TTC34: variants seen among roughly 807,000 people sequenced by gnomAD.
The protein encoded by TTC34 is tetratricopeptide repeat domain 34.
In TTC34, 44 loss-of-function variants were observed where a neutral mutation model predicts 40.7. That is an observed-to-expected ratio of 1.08 (90% CI 0.85 to 1.39). The LOEUF is 1.39. TTC34 is among the 40% of genes most tolerant of loss of function. The pLI is 0.00. For synonymous variants in TTC34, 422 were observed against 398.6 expected, an observed-to-expected ratio of 1.06 and a Z score of -0.70; for missense variants, 884 against 838.0, an observed-to-expected ratio of 1.05 and a Z score of -0.68.
chr1:2,752,223 T>G (rs1641343690), intron 6 of TTC34, among the ~76,000 whole-genome samples: 2 of 114,986 alleles, frequency 1.7e-5, no homozygotes, highest in South Asian at 6.2e-4. Context: ...CAGGTGAGCA[T>G]CTGACAGACT....
At chr1:2,638,181 G>A (rs1638827599) in exon 9 of TTC34, 1 of 152,120 alleles carries the variant, frequency 6.6e-6, no homozygotes, top group Non-Finnish European at 1.5e-5. Context: ...TCCCAGGGAG[G>A]GGAAGGGTCA....
At chr1:2,768,736 C>A (rs1641887746) in intron 6 of TTC34, among the ~76,000 whole-genome samples, 3 of 143,172 alleles carry the variant, frequency 2.1e-5, no homozygotes, top group African/African-American at 7.9e-5. Context: ...GAAAAACAAC[C>A]CCCTTCAGGT....
intron 6 of TTC34, among the ~76,000 whole-genome samples, chr1:2,756,725 C>T (rs1441302630): frequency 1.0e-4 from 3 of 29,688 alleles, no homozygotes; most frequent in African/African-American, 5.1e-4. Flanking sequence ...GAGCATCTGA[C>T]AGGCTGGAGC....
chr1:2,751,075 C>A (rs1208969635), intron 6 of TTC34, among the ~76,000 whole-genome samples: 1 of 77,606 alleles, frequency 1.3e-5, no homozygotes, highest in Non-Finnish European at 2.4e-5. Flanking sequence ...CAGACTGGAA[C>A]ACCTCCCACA....
chr1:2,785,011 G>GCTCTGGGCCA (rs1376305932), intron 5 of TTC34, among the ~76,000 whole-genome samples: 58 of 152,316 alleles, frequency 3.8e-4, no homozygotes, highest in African/African-American at 1.1e-3. Flanking sequence ...GCTCTGGGCC[G>GCTCTGGGCCA]CTCTGGGCTG....
chr1:2,643,663 G>A (rs1638959678), intron 8 of TTC34, among the ~76,000 whole-genome samples: 1 of 152,090 alleles, frequency 6.6e-6, no homozygotes, highest in Non-Finnish European at 1.5e-5. Flanking sequence ...GGGGGGGGCA[G>A]CGGCGCCCCC....
chr1:2,751,157 A>T (rs1279892122), intron 6 of TTC34, among the ~76,000 whole-genome samples: 4 of 109,806 alleles, frequency 3.6e-5, no homozygotes, highest in Admixed American at 1.9e-4. Context: ...ACCCTGGAGC[A>T]GCACGCACAT....
rs1274016828 is a variant in TTC34 at position 2,682,013 on chromosome 1, A to G, written c.2227-36450T>C. On this transcript the variant is annotated intron_variant, in intron 6 of 8. Transcript: ENST00000401095. ...CCAGGTGAGCATCAGACAGCCTGGA[A>G]CAACACCCATACCCACAGGTGAGCA... Among the ~76,000 whole-genome samples, 67 of 100,318 alleles carry G rather than the reference A, an allele frequency of 6.7e-4. 5 individuals carry two copies. The highest frequency in any genetic ancestry group is 5.8e-4 in the Non-Finnish European group (28 of 47,898). The allele number at this position is 100,318 out of a possible 152,430, so 65.8% of individuals were successfully genotyped here. A position where few individuals can be genotyped will look rare whatever the true frequency, so the allele number is the denominator to read the frequency against.
At chr1:2,648,657 G>A (rs891288427) in intron 6 of TTC34, among the ~76,000 whole-genome samples, 4 of 149,446 alleles carry the variant, frequency 2.7e-5, no homozygotes, top group African/African-American at 9.9e-5. Flanking sequence ...GCCTGGAACA[G>A]CACCCCACAC....
chr1:2,683,900 G>A (rs1198927942), intron 6 of TTC34, among the ~76,000 whole-genome samples: 18 of 48,998 alleles, frequency 3.7e-4, no homozygotes, highest in East Asian at 1.4e-3. Flanking sequence ...GACAGCCTGG[G>A]TCGGCACCCA....
At chr1:2,794,776 T>G (rs959574690) in intron 2 of TTC34, among the ~76,000 whole-genome samples, 3 of 152,238 alleles carry the variant, frequency 2.0e-5, no homozygotes, top group Non-Finnish European at 4.4e-5. Flanking sequence ...AGTTTTCTTC[T>G]GTTTCTTGAT....
At chr1:2,799,798 T>C (rs1643753008) in intron 2 of TTC34, among the ~76,000 whole-genome samples, 1 of 152,186 alleles carries the variant, frequency 6.6e-6, no homozygotes. Flanking sequence ...GCCTAAATGA[T>C]TCCTCTCCTG....
intron 6 of TTC34, among the ~76,000 whole-genome samples, chr1:2,765,745 A>G (rs1641769666): frequency 1.7e-4 from 8 of 46,484 alleles, no homozygotes; most frequent in Admixed American, 4.7e-4. Context: ...AGCCTGGAGC[A>G]GCGCCCACAC....
intron 6 of TTC34, among the ~76,000 whole-genome samples, chr1:2,688,079 A>C (rs1174206534): frequency 6.8e-6 from 1 of 147,228 alleles, no homozygotes; most frequent in African/African-American, 2.7e-5. Flanking sequence ...CTGGAACAGC[A>C]CCCTGCACCC....
intron 6 of TTC34, among the ~76,000 whole-genome samples, chr1:2,752,337 G>T (rs1261759484): frequency 1.8e-3 from 229 of 126,194 alleles, no homozygotes; most frequent in Admixed American, 4.9e-3. Flanking sequence ...ACACCCCCAG[G>T]TGAGCATCTG....
intron 6 of TTC34, among the ~76,000 whole-genome samples, chr1:2,694,803 C>T (rs1230977695): frequency 3.5e-5 from 3 of 85,720 alleles, no homozygotes; most frequent in Admixed American, 1.1e-4. Flanking sequence ...CCCAGGCGAG[C>T]ATCTGACAGC....
At chr1:2,657,347 G>T (rs1639383296) in intron 6 of TTC34, among the ~76,000 whole-genome samples, 4 of 101,938 alleles carry the variant, frequency 3.9e-5, no homozygotes, top group Admixed American at 9.6e-5. Context: ...ATAGCCCAAG[G>T]TGAGCATCTG....
At chr1:2,671,580 AGCACCC>A (rs1639702134) in intron 6 of TTC34, among the ~76,000 whole-genome samples, 1 of 64,740 alleles carries the variant, frequency 1.5e-5, no homozygotes, top group Non-Finnish European at 4.6e-5. Context: ...AGCCTGGAGC[AGCACCC>A]ACACCCCCAG....
exon 3 of TTC34, chr1:2,789,960 G>A (rs1236293968): frequency 1.3e-5 from 5 of 392,078 alleles, no homozygotes; most frequent in Non-Finnish European, 2.3e-5. Context: ...CACATGGCCC[G>A]GGCGCCCGCC....
Sources: allele counts gnomAD v4.1 joint callset (sites outside exome capture counted in the v4.1 genomes callset), GRCh38; gene constraint gnomAD v4.1.1; transcripts MANE v1.5; gene names NCBI Gene and HGNC (gene_info 2026-07-23, HGNC 2026-07-21).